Variants in RNF220 observed in about 807,000 individuals in gnomAD.
The protein encoded by RNF220 is ring finger protein 220.
RNF220 carries 7 observed loss-of-function variants against 67.1 expected under a neutral mutation model. The ratio of observed to expected loss-of-function variants is 0.10; its 90% CI spans 0.06 to 0.20. RNF220 has a LOEUF of 0.20. Ranked by LOEUF, RNF220 falls within the 10% of genes least tolerant of loss-of-function variation. RNF220 has a pLI of 1.00. For synonymous variants in RNF220, 270 were observed against 283.2 expected, an observed-to-expected ratio of 0.95 and a Z score of 0.47; for missense variants, 565 against 740.3, an observed-to-expected ratio of 0.76 and a Z score of 2.75.
chr1:44,554,097 A>ACT (rs1367801802), intron 2 of RNF220, among the ~76,000 whole-genome samples: 4 of 152,194 alleles, frequency 2.6e-5, no homozygotes, highest in African/African-American at 9.7e-5. Flanking sequence ...AGAAGACAGA[A>ACT]ATCAGCTTTC....
In RNF220 at chr1:44,624,816, T is replaced by C. The variant is rs902983564; in HGVS notation, c.805-1481T>C. ...GTGAATTATTTTCTTAAAGATCTTATCGCTTACAATGATAATTTTACCTTC... is the reference window on the plus strand; with the variant it reads ...GTGAATTATTTTCTTAAAGATCTTACCGCTTACAATGATAATTTTACCTTC... On this transcript the variant is annotated intron_variant, in intron 4 of 14. Coordinates refer to ENST00000361799, the MANE Select transcript of RNF220 (RefSeq NM_018150.4). The surrounding 1 kb of genome is among the most constrained non-coding windows in gnomAD (Gnocchi z 4.2). Among the ~76,000 whole-genome samples the C allele has an allele frequency of 1.2e-4, 18 of 152,208 alleles. No homozygotes were observed. Among genetic ancestry groups the C allele is most frequent in the African/African-American group, 4.3e-4 (18 of 41,426 alleles).
chr1:44,543,316 A>G (rs1020478495), intron 2 of RNF220, among the ~76,000 whole-genome samples: 3 of 151,266 alleles, frequency 2.0e-5, no homozygotes, highest in Non-Finnish European at 3.0e-5. Flanking sequence ...TGTTGTTGAC[A>G]TGGGGCTGGG....
chr1:44,630,485 GTCTT>G (rs1644084761), intron 5 of RNF220, among the ~76,000 whole-genome samples: 1 of 152,224 alleles, frequency 6.6e-6, no homozygotes, highest in Non-Finnish European at 1.5e-5. Context: ...ATCTCATAAA[GTCTT>G]TCTCCCGTTC....
At chr1:44,463,764 C>T (rs940488868) in intron 2 of RNF220, among the ~76,000 whole-genome samples, 4 of 152,190 alleles carry the variant, frequency 2.6e-5, no homozygotes, top group Non-Finnish European at 5.9e-5. Context: ...ACTTGAGTTT[C>T]CAGAATTAAC....
At chr1:44,478,360 A>G (rs1185350496) in intron 2 of RNF220, among the ~76,000 whole-genome samples, 1 of 152,140 alleles carries the variant, frequency 6.6e-6, no homozygotes, top group African/African-American at 2.4e-5. Flanking sequence ...AAGAACTTAA[A>G]AAAATCCCAT....
chr1:44,544,129 A>G (rs3896232), intron 2 of RNF220, among the ~76,000 whole-genome samples: 39,704 of 152,142 alleles, frequency 0.26, 5,460 homozygotes, highest in African/African-American at 0.36. Flanking sequence ...ACCACAGGAG[A>G]CAACCACTCC....
At position 44,565,208 on chromosome 1, in the gene RNF220, T is replaced by C. The variant is rs1663904332; in HGVS notation, c.626-48957T>C. Among the ~76,000 whole-genome samples the C allele has an allele frequency of 6.6e-6, 1 of 152,128 alleles. No individual in the cohort carries two copies. Among genetic ancestry groups the C allele is most frequent in the Non-Finnish European group, 1.5e-5 (1 of 68,008 alleles). ...TGTTGGTTCTGTGCCTAGGAATATGTTGGTGAATTATAGCAGTTCACCACT... is the reference window on the plus strand; with the variant it reads ...TGTTGGTTCTGTGCCTAGGAATATGCTGGTGAATTATAGCAGTTCACCACT... On this transcript the variant is annotated intron_variant, in intron 2 of 14. Transcript: ENST00000361799. This position sits in a 1 kb window ranked among gnomAD's most constrained non-coding sequence, Gnocchi z 4.2.
At chr1:44,623,635 T>C (rs1643871179) in intron 4 of RNF220, among the ~76,000 whole-genome samples, 2 of 152,146 alleles carry the variant, frequency 1.3e-5, no homozygotes. Context: ...GAGGAATGAC[T>C]ATGGAAGATT....
chr1:44,464,167 A>C (rs1400623833), intron 2 of RNF220, among the ~76,000 whole-genome samples: 6 of 152,254 alleles, frequency 3.9e-5, no homozygotes, highest in African/African-American at 1.4e-4. Context: ...AAACTTACTC[A>C]GAATTCAGTG....
intron 4 of RNF220, among the ~76,000 whole-genome samples, chr1:44,623,568 C>T (rs376781480): frequency 5.3e-5 from 8 of 152,294 alleles, no homozygotes; most frequent in Admixed American, 1.3e-4. Flanking sequence ...AGACTGCATC[C>T]TTTTTCCCAT....
chr1:44,561,572 A>G (rs780687986), intron 2 of RNF220, among the ~76,000 whole-genome samples: 23 of 152,182 alleles, frequency 1.5e-4, no homozygotes, highest in Non-Finnish European at 4.4e-5. Flanking sequence ...ATTTGAGGGG[A>G]AATTCAAACA....
At position 44,412,190 on chromosome 1, in the gene RNF220, G is replaced by T. The variant is rs752344047; in HGVS notation, c.93G>T (p.Thr31=). ...ASPALMVLAS[T]AEASRDASIP... ...CAGCACTGATGGTCCTGGCATCCAC[G>T]GCTGAGGCCAGCCGTGATGCTTCCA... Residue 31 remains threonine (T), a synonymous_variant, in exon 2 of 15, where the codon ACG becomes ACT. Transcript: ENST00000361799. The surrounding 1 kb of genome is among the most constrained non-coding windows in gnomAD (Gnocchi z 5.3). 3 of 1,614,146 alleles carry T rather than the reference G, an allele frequency of 1.9e-6. No individual in the cohort carries two copies. The highest frequency in any genetic ancestry group is 1.7e-6 in the Non-Finnish European group (2 of 1,180,018).
chr1:44,498,907 C>T (rs746977538), intron 2 of RNF220, among the ~76,000 whole-genome samples: 2 of 152,172 alleles, frequency 1.3e-5, no homozygotes, highest in African/African-American at 2.4e-5. Context: ...CTTCTCTCCC[C>T]CAATAAACTT....
chr1:44,504,740 C>T (rs958985880), intron 2 of RNF220, among the ~76,000 whole-genome samples: 2 of 152,196 alleles, frequency 1.3e-5, no homozygotes, highest in Admixed American at 1.3e-4. Context: ...TTTTTTGGCA[C>T]AGACCGAGAA....
intron 2 of RNF220, among the ~76,000 whole-genome samples, chr1:44,460,535 A>T (rs1177019524): frequency 6.6e-6 from 1 of 152,204 alleles, no homozygotes; most frequent in Admixed American, 6.5e-5. Flanking sequence ...GGTAGGAAAA[A>T]ACAGGGTAAA....
At chr1:44,545,948 G>C (rs1404205500) in intron 2 of RNF220, among the ~76,000 whole-genome samples, 2 of 152,100 alleles carry the variant, frequency 1.3e-5, no homozygotes, top group Non-Finnish European at 2.9e-5. Context: ...TAGAGACGAG[G>C]AGAAACCCTT....
At chr1:44,406,650 C>A (rs1388044193) in intron 1 of RNF220, among the ~76,000 whole-genome samples, 2 of 152,240 alleles carry the variant, frequency 1.3e-5, no homozygotes, top group African/African-American at 4.8e-5. Context: ...AACCCAGCCC[C>A]GCCACCGCAC....
At chr1:44,558,364 A>G (rs1663285426) in intron 2 of RNF220, among the ~76,000 whole-genome samples, 1 of 152,012 alleles carries the variant, frequency 6.6e-6, no homozygotes, top group South Asian at 2.1e-4. Flanking sequence ...CTTTTCTGGC[A>G]CCAGGTGAAA....
At chr1:44,462,956 G>T (rs528766547) in intron 2 of RNF220, among the ~76,000 whole-genome samples, 1 of 152,048 alleles carries the variant, frequency 6.6e-6, no homozygotes, top group East Asian at 1.9e-4. Flanking sequence ...GAACCCAGGA[G>T]GCGGAGCTTG....
Sources: allele counts gnomAD v4.1 joint callset (sites outside exome capture counted in the v4.1 genomes callset), GRCh38; gene constraint gnomAD v4.1.1; non-coding constraint Gnocchi (gnomAD v3.1); transcripts MANE v1.5; gene names NCBI Gene and HGNC (gene_info 2026-07-23, HGNC 2026-07-21).